MYNN: variants seen among roughly 807,000 people sequenced by gnomAD.
The protein encoded by MYNN is zinc finger and BTB domain-containing protein 31.
In MYNN, 22 loss-of-function variants were observed where a neutral mutation model predicts 57.2. The observed-to-expected ratio is 0.38, with a 90% CI of 0.27 to 0.55. The LOEUF (loss-of-function observed/expected upper bound fraction) is 0.55, where lower values mean the gene tolerates loss of function less well. MYNN is among the 20% of genes least tolerant of loss of function. MYNN has a pLI of 0.71. For missense variants in MYNN, 566 were observed against 723.1 expected, an observed-to-expected ratio of 0.78 and a Z score of 2.49; for synonymous variants, 241 against 257.1, an observed-to-expected ratio of 0.94 and a Z score of 0.60.
chr3:169,787,867 A>G lies in MYNN; in HGVS notation c.*1189A>G, dbSNP rs750391874. 6.6e-6 allele frequency: 1 copy of G among 152,052 alleles called. No homozygotes were observed. The highest frequency in any genetic ancestry group is 1.5e-5 in the Non-Finnish European group (1 of 67,954). 9.4% of individuals were successfully genotyped at this position (152,052 alleles called of 1,614,324 possible). On this transcript the variant is annotated 3_prime_UTR_variant, in exon 8 of 8. Coordinates refer to ENST00000349841, the MANE Select transcript of MYNN (RefSeq NM_018657.5). ...CATCCCCATGCCACTTTTCCCACAT[A>G]TTAATTTATTTCACTGCCTGATCTT...
intron 2 of MYNN, among the ~76,000 whole-genome samples, chr3:169,774,977 T>C (rs1418851816): frequency 2.0e-5 from 3 of 152,158 alleles, no homozygotes; most frequent in African/African-American, 7.2e-5. Context: ...TAACTGGGAC[T>C]ACAGGTGTGC....
chr3:169,778,689 C>A, intron 2 of MYNN, 79 bp from the exon 3 acceptor site: 1 of 1,077,352 alleles, frequency 9.3e-7, no homozygotes, highest in Non-Finnish European at 1.3e-6. Context: ...CTTTAAAATA[C>A]ATTGAAGTAT....
In MYNN at chr3:169,782,682, T is replaced by C. The variant is rs766854266; in HGVS notation, c.1399+39T>C. 84 of 1,555,466 alleles carry C rather than the reference T, an allele frequency of 5.4e-5. No homozygotes were observed. Among genetic ancestry groups the C allele is most frequent in the Non-Finnish European group, 7.8e-6 (9 of 1,153,206 alleles). On this transcript the variant is annotated intron_variant, in intron 5 of 7. Transcript: ENST00000349841. The surrounding 1 kb of genome is among the most constrained non-coding windows in gnomAD (Gnocchi z 4.8). Reference sequence around the variant, plus strand: ...GGAGAGACTGCTTAAAATAAAGTTATAAATAAAAGAAAAAGGGGACTTGGG... The same window carrying C: ...GGAGAGACTGCTTAAAATAAAGTTACAAATAAAAGAAAAAGGGGACTTGGG...
chr3:169,784,543 T>G, intron 6 of MYNN, 79 bp from the exon 7 acceptor site: 1 of 912,958 alleles, frequency 1.1e-6, no homozygotes, highest in Non-Finnish European at 1.7e-6. Flanking sequence ...TTTTGCCTTG[T>G]GTTCATAAAC....
Position 169,779,171 on chromosome 3 carries a change from G to A in MYNN, c.670G>A (p.Glu224Lys). 1 of 1,614,160 alleles carries A rather than the reference G, an allele frequency of 6.2e-7. No homozygotes were observed. Among genetic ancestry groups the A allele is most frequent in the East Asian group, 2.2e-5 (1 of 44,890 alleles). ...AAATAAACTGCCCACACCTGTAGTA[G>A]AACAAGTTGCACAAATAAATGATAA... is the stretch of plus-strand genomic sequence containing the variant. ...DANKLPTPVV[E>K]QVAQINDNSE... is the part of the protein sequence containing the mutation. Residue 224 changes from glutamate to lysine, a missense_variant, in exon 3 of 8, where the codon GAA becomes AAA. Transcript: ENST00000349841.
At chr3:169,784,156 A>G (rs1778604364) in intron 6 of MYNN, among the ~76,000 whole-genome samples, 1 of 152,056 alleles carries the variant, frequency 6.6e-6, no homozygotes, top group Non-Finnish European at 1.5e-5. Flanking sequence ...AGTTTACACC[A>G]TAAAGCACTG....
chr3:169,786,714 G>C lies in MYNN; in HGVS notation c.*36G>C. On this transcript the variant is annotated 3_prime_UTR_variant, in exon 8 of 8. Transcript: ENST00000349841. Reference sequence around the variant, plus strand: ...AATATGGAATTGCTAAGATATCATTGGTAGCAAACATCTCTGGTAAGGTGC... The same window carrying C: ...AATATGGAATTGCTAAGATATCATTCGTAGCAAACATCTCTGGTAAGGTGC... 6.3e-7 allele frequency: 1 copy of C among 1,582,828 alleles called. No individual in the cohort carries two copies. Among genetic ancestry groups the C allele is most frequent in the Non-Finnish European group, 8.6e-7 (1 of 1,156,252 alleles).
chr3:169,782,584 C>G lies in MYNN; in HGVS notation c.1340C>G (p.Thr447Ser), dbSNP rs1778550092. ...GGAGAAAAGCCTTATGTATGTGATA[C>G]CTGTGGGAAGGCATTTGCTGTCTCT... ...HTGEKPYVCD[T>S]CGKAFAVSSS... Residue 447 changes from threonine to serine, a missense_variant, in exon 5 of 8, where the codon ACC (threonine) becomes AGC (serine). Transcript: ENST00000349841. This position sits in a 1 kb window ranked among gnomAD's most constrained non-coding sequence, Gnocchi z 4.8. 1 of 1,613,924 alleles carries G rather than the reference C, an allele frequency of 6.2e-7. No homozygotes were observed. The highest frequency in any genetic ancestry group is 2.2e-5 in the East Asian group (1 of 44,866).
chr3:169,786,031 G>A (rs888770742), intron 7 of MYNN, among the ~76,000 whole-genome samples: 2 of 152,012 alleles, frequency 1.3e-5, no homozygotes, highest in African/African-American at 2.4e-5. Context: ...GAAGTATAAC[G>A]ACATTTACTC....
At chr3:169,781,741 G>T (rs773102565) in intron 4 of MYNN, among the ~76,000 whole-genome samples, 4 of 152,132 alleles carry the variant, frequency 2.6e-5, no homozygotes, top group Admixed American at 6.5e-5. Context: ...GAGAACTGAC[G>T]TGGATTTAGT....
chr3:169,785,753 A>G (rs1560589977), intron 7 of MYNN, among the ~76,000 whole-genome samples: 1 of 152,052 alleles, frequency 6.6e-6, no homozygotes, highest in East Asian at 1.9e-4. Flanking sequence ...TGTCTGCGTG[A>G]CAAGGACGGT....
At position 169,779,319 on chromosome 3, in the gene MYNN, CTA is replaced by C. The variant is rs777264035; in HGVS notation, c.820_821del (p.Met274ValfsTer2). On this transcript the variant is annotated frameshift_variant, in exon 3 of 8. Transcript: ENST00000349841. LOFTEE classifies it high-confidence loss of function. ...CCAAACTGTGCTCTGAAAGAACACT[CTA>C]TGTCTAATATAGCCAGCGTCAAGAG... 1 of 1,614,158 alleles carries C rather than the reference CTA, an allele frequency of 6.2e-7. No homozygotes were observed. Among genetic ancestry groups the C allele is most frequent in the Non-Finnish European group, 8.5e-7 (1 of 1,180,036 alleles).
intron 2 of MYNN, among the ~76,000 whole-genome samples, chr3:169,776,930 G>C (rs1220413688): frequency 6.6e-6 from 1 of 152,096 alleles, no homozygotes; most frequent in East Asian, 1.9e-4. Context: ...TTGAACTCCT[G>C]ACCTCAGGTG....
chr3:169,778,550 T>G (rs1438351046), intron 2 of MYNN: 1 of 437,924 alleles, frequency 2.3e-6, no homozygotes, highest in Non-Finnish European at 4.0e-6. Flanking sequence ...CAGCTGTGAA[T>G]AGCCATTATC....
Position 169,779,651 on chromosome 3 carries a change from A to T in MYNN, c.1060+90A>T, listed in dbSNP as rs191351162. On this transcript the variant is annotated intron_variant, in intron 3 of 7. Coordinates refer to ENST00000349841, the MANE Select transcript of MYNN (RefSeq NM_018657.5). ...GAGTACTTAGCACACACTACTTGTGACCAGAATTTGGTATATTTTTCTATT... is the reference window on the plus strand; with the variant it reads ...GAGTACTTAGCACACACTACTTGTGTCCAGAATTTGGTATATTTTTCTATT... 6.8e-5 allele frequency: 88 copies of T among 1,292,198 alleles called. No homozygotes were observed. The Admixed American group carries it at 7.2e-4, about 11-fold the overall frequency. The allele number at this position is 1,292,198 out of a possible 1,614,324, so 80.0% of individuals were successfully genotyped here. A position where few individuals can be genotyped will look rare whatever the true frequency, so the allele number is the denominator to read the frequency against.
intron 2 of MYNN, among the ~76,000 whole-genome samples, chr3:169,776,278 A>G (rs1241779188): frequency 3.3e-5 from 5 of 152,348 alleles, no homozygotes; most frequent in Non-Finnish European, 7.3e-5. Flanking sequence ...TAGAAATGTA[A>G]GAGAGGATTT....
In MYNN at chr3:169,784,717, T is replaced by C; in HGVS notation, c.1570+9T>C. 1 of 1,518,476 alleles carries C rather than the reference T, an allele frequency of 6.6e-7. No homozygotes were observed. 94.1% of individuals were successfully genotyped at this position (1,518,476 alleles called of 1,614,324 possible). A position where few individuals can be genotyped will look rare whatever the true frequency, so the allele number is the denominator to read the frequency against. On this transcript the variant is annotated intron_variant, in intron 7 of 7. Transcript: ENST00000349841. ...AACAAAAGTCCATTCTGGTAAATGC[T>C]TGTGTTTTGTTTGCTTGTTTGTTTG...
intron 3 of MYNN, 56 bp downstream of exon 3, chr3:169,779,617 T>C (rs1297849521): frequency 1.3e-6 from 2 of 1,524,084 alleles, no homozygotes; most frequent in Non-Finnish European, 1.8e-6. Context: ...TATAGTGTAT[T>C]TTTATAGAGA....
At chr3:169,775,570 C>A (rs1444045381) in intron 2 of MYNN, among the ~76,000 whole-genome samples, 1 of 152,166 alleles carries the variant, frequency 6.6e-6, no homozygotes, top group Non-Finnish European at 1.5e-5. Flanking sequence ...ATGGTAATAA[C>A]TACCTTGAGG....
Sources: gnomAD v4.1 joint callset for allele counts (sites outside exome capture counted in the v4.1 genomes callset) on GRCh38, gnomAD v4.1.1 for gene constraint, Gnocchi (gnomAD v3.1) non-coding constraint, MANE v1.5 for transcripts, NCBI Gene and HGNC (gene_info 2026-07-23, HGNC 2026-07-21) for gene names.